Variants in RAD51B observed in about 807,000 individuals in gnomAD.
RAD51B encodes RAD51 paralog B, also known as DNA repair protein RAD51 homolog 2.
RAD51B carries 38 observed loss-of-function variants against 42.2 expected under a neutral mutation model. The ratio of observed to expected loss-of-function variants is 0.90; its 90% CI spans 0.70 to 1.18. The LOEUF (loss-of-function observed/expected upper bound fraction) is 1.18, where lower values mean the gene tolerates loss of function less well. Among genes scored for constraint, RAD51B ranks in the 50% most tolerant of loss-of-function variants. RAD51B has a pLI of 0.00. For synonymous variants in RAD51B, 154 were observed against 145.2 expected, an observed-to-expected ratio of 1.06 and a Z score of -0.43; for missense variants, 373 against 400.7, an observed-to-expected ratio of 0.93 and a Z score of 0.59.
chr14:68,595,768 G>C (rs1890967988), exon 11 of RAD51B: 1 of 442,400 alleles, frequency 2.3e-6, no homozygotes, highest in East Asian at 5.8e-5. Context: ...TCATGGGAAA[G>C]TGTTCACACC....
intron 7 of RAD51B, among the ~76,000 whole-genome samples, chr14:68,243,419 G>A (rs984712106): frequency 5.9e-5 from 9 of 152,118 alleles, no homozygotes; most frequent in African/African-American, 1.9e-4. Flanking sequence ...AAGTCATCCA[G>A]CTTCTAAGAA....
chr14:68,550,177 A>G (rs1888461765), intron 10 of RAD51B, among the ~76,000 whole-genome samples: 1 of 152,154 alleles, frequency 6.6e-6, no homozygotes, highest in African/African-American at 2.4e-5. Flanking sequence ...GCCAGTCACC[A>G]CACACTTGGA....
At chr14:68,525,077 G>A (rs1317959936) in intron 10 of RAD51B, among the ~76,000 whole-genome samples, 2 of 152,242 alleles carry the variant, frequency 1.3e-5, no homozygotes, top group Non-Finnish European at 2.9e-5. Flanking sequence ...GCTTGTCCTT[G>A]GCCAAGCATA....
intron 7 of RAD51B, among the ~76,000 whole-genome samples, chr14:68,229,118 C>G (rs573359339): frequency 1.3e-5 from 2 of 152,276 alleles, no homozygotes; most frequent in Admixed American, 6.5e-5. Context: ...CCTTTGAGAC[C>G]TAGCTTCATA....
intron 8 of RAD51B, among the ~76,000 whole-genome samples, chr14:68,329,400 A>G (rs2082305396): frequency 6.6e-6 from 1 of 152,226 alleles, no homozygotes; most frequent in African/African-American, 2.4e-5. Flanking sequence ...AACTTCTGGG[A>G]TCCACAGCCC....
At chr14:68,388,878 G>A (rs570442011) in intron 8 of RAD51B, among the ~76,000 whole-genome samples, 21 of 152,222 alleles carry the variant, frequency 1.4e-4, no homozygotes, top group Middle Eastern at 3.4e-3. Flanking sequence ...TTTCAGAGTC[G>A]CCATTAATAC....
intron 10 of RAD51B, among the ~76,000 whole-genome samples, chr14:68,538,047 T>C (rs1236899984): frequency 6.6e-6 from 1 of 152,178 alleles, no homozygotes; most frequent in African/African-American, 2.4e-5. Context: ...TAGGTCTTGC[T>C]AGGAGGGGAC....
intron 7 of RAD51B, among the ~76,000 whole-genome samples, chr14:68,084,949 G>A (rs915892677): frequency 2.6e-5 from 4 of 152,208 alleles, no homozygotes; most frequent in African/African-American, 9.6e-5. Context: ...TTTTGGTAGT[G>A]ACAGTGGAAT....
chr14:68,439,237 G>C (rs2085224506), intron 9 of RAD51B, among the ~76,000 whole-genome samples: 1 of 151,898 alleles, frequency 6.6e-6, no homozygotes, highest in Non-Finnish European at 1.5e-5. Flanking sequence ...GTCCCAGGCA[G>C]TGACATTAGT....
At chr14:68,128,280 A>G (rs1017848548) in intron 7 of RAD51B, among the ~76,000 whole-genome samples, 3 of 152,220 alleles carry the variant, frequency 2.0e-5, no homozygotes, top group Non-Finnish European at 4.4e-5. Flanking sequence ...CACCCAGAGA[A>G]ATAGACCTTC....
At chr14:68,542,952 T>G (rs1888044693) in intron 10 of RAD51B, among the ~76,000 whole-genome samples, 1 of 152,224 alleles carries the variant, frequency 6.6e-6, no homozygotes, top group South Asian at 2.1e-4. Context: ...AATAACTCCA[T>G]TCTTTTGTGC....
chr14:68,314,564 A>G (rs1212076895), intron 8 of RAD51B, among the ~76,000 whole-genome samples: 1 of 152,136 alleles, frequency 6.6e-6, no homozygotes, highest in African/African-American at 2.4e-5. Flanking sequence ...GAGTCTACAG[A>G]GCAGAGTAAT....
intron 7 of RAD51B, among the ~76,000 whole-genome samples, chr14:68,073,452 C>T (rs968683343): frequency 1.3e-5 from 2 of 152,062 alleles, no homozygotes; most frequent in Admixed American, 6.6e-5. Flanking sequence ...GACATTATAG[C>T]GTTAGGTCTT....
At chr14:68,017,205 A>AT (rs547851918) in intron 7 of RAD51B, among the ~76,000 whole-genome samples, 10 of 151,822 alleles carry the variant, frequency 6.6e-5, no homozygotes, top group South Asian at 2.1e-4. Context: ...TTTTTATTTT[A>AT]TTTTTTTTGA....
intron 8 of RAD51B, among the ~76,000 whole-genome samples, chr14:68,354,757 T>A (rs1019884203): frequency 2.0e-5 from 3 of 151,974 alleles, no homozygotes; most frequent in Admixed American, 6.6e-5. Flanking sequence ...TCCAAAGAGT[T>A]TATACATTTA....
intron 9 of RAD51B, among the ~76,000 whole-genome samples, chr14:68,464,358 A>T (rs1001109287): frequency 5.9e-5 from 9 of 152,184 alleles, no homozygotes; most frequent in Non-Finnish European, 1.3e-4. Flanking sequence ...TGTATTCTTT[A>T]TCTGCTCTTT....
At chr14:68,463,707 T>C (rs1254926628) in intron 9 of RAD51B, among the ~76,000 whole-genome samples, 3 of 152,188 alleles carry the variant, frequency 2.0e-5, no homozygotes, top group Non-Finnish European at 2.9e-5. Flanking sequence ...AAAAGCAATA[T>C]GAATTTTCAC....
At chr14:67,877,327 A>G (rs902077396) in intron 5 of RAD51B, among the ~76,000 whole-genome samples, 7 of 152,196 alleles carry the variant, frequency 4.6e-5, no homozygotes, top group Non-Finnish European at 8.8e-5. Flanking sequence ...CTCAGAAACC[A>G]TGTGATTTGC....
chr14:68,001,065 G>A (rs2075473716), intron 7 of RAD51B, among the ~76,000 whole-genome samples: 2 of 151,906 alleles, frequency 1.3e-5, no homozygotes, highest in South Asian at 2.1e-4. Context: ...TCATAATTTG[G>A]TTAGATTTAT....
Sources: allele counts gnomAD v4.1 joint callset (sites outside exome capture counted in the v4.1 genomes callset), GRCh38; gene constraint gnomAD v4.1.1; transcripts MANE v1.5; gene names NCBI Gene and HGNC (gene_info 2026-07-23, HGNC 2026-07-21).